ZNF283: variants seen among roughly 807,000 people sequenced by gnomAD.
The protein encoded by ZNF283 is zinc finger protein 41.
In ZNF283, 10 loss-of-function variants were observed where a neutral mutation model predicts 9.2. That is an observed-to-expected ratio of 1.09 (90% confidence interval 0.67 to 1.85). The LOEUF (loss-of-function observed/expected upper bound fraction) is 1.85. ZNF283 is among the 40% of genes most tolerant of loss of function. ZNF283 has a pLI of 0.00. For synonymous variants in ZNF283, 234 were observed against 244.1 expected (o/e 0.96, Z 0.38); for missense variants, 631 against 760.1 (o/e 0.83, Z 2.00).
intron 5 of ZNF283, among the ~76,000 whole-genome samples, 156 bp from the exon 6 acceptor site, chr19:43,836,897 G>T (rs1239861510): frequency 6.6e-6 from 1 of 152,200 alleles, no homozygotes; most frequent in African/African-American, 2.4e-5. Flanking sequence ...TTTAGTCACA[G>T]ATTTTCTTGC....
At chr19:43,839,388 G>T in intron 6 of ZNF283, among the ~76,000 whole-genome samples, 1 of 151,182 alleles carries the variant, frequency 6.6e-6, no homozygotes, top group African/African-American at 2.4e-5. Flanking sequence ...TTTGTCTTTG[G>T]GTTTCCATAA....
intron 2 of ZNF283, among the ~76,000 whole-genome samples, chr19:43,829,885 T>TGGTGGCG (rs1307360904): frequency 1.3e-5 from 2 of 151,906 alleles, no homozygotes; most frequent in Non-Finnish European, 2.9e-5. Context: ...TAGCCGGGCA[T>TGGTGGCG]GGTGGCGGGT....
intron 2 of ZNF283, 48 bp downstream of exon 2, chr19:43,828,329 C>T (rs1293454738): frequency 6.6e-6 from 1 of 152,126 alleles, no homozygotes; most frequent in Non-Finnish European, 1.5e-5. Context: ...ATACAATTAC[C>T]TTTGCTTCTA....
intron 6 of ZNF283, 132 bp from the exon 7 acceptor site, chr19:43,846,807 A>T (rs1182854050): frequency 1.5e-6 from 1 of 671,678 alleles, no homozygotes; most frequent in East Asian, 2.9e-5. Flanking sequence ...TTGTTATTTA[A>T]CAAGGGAGTG....
At position 43,833,484 on chromosome 19, in the gene ZNF283, C is replaced by CTTTTTTTT. The variant is rs55882936; in HGVS notation, c.1-11_1-4dup. 108 of 138,032 alleles carry CTTTTTTTT rather than the reference C, an allele frequency of 7.8e-4. 3 individuals carry two copies. The highest frequency in any genetic ancestry group is 3.4e-3 in the Middle Eastern group (1 of 298). 8.6% of individuals were successfully genotyped at this position (138,032 alleles called of 1,614,324 possible). On this transcript the variant is annotated intron_variant, in intron 3 of 6. Transcript: ENST00000618787. ...GTGTTTCTTTCTTCTTTACCTATTTCTTTTTTTTTTTTTTTTTCAGATGGA... is the reference window on the plus strand; with the variant it reads ...GTGTTTCTTTCTTCTTTACCTATTTCTTTTTTTTTTTTTTTTTTTTTTTTTCAGATGGA...
chr19:43,847,876 T>C lies in ZNF283; in HGVS notation c.1275T>C (p.His425=). The change falls in exon 7 of 7, where the codon CAT becomes CAC. Residue 425 remains histidine (H), a synonymous_variant. Transcript: ENST00000618787. ...GTCTTATTCAACATGAAAGAATTCA[T>C]ACTGGTGAGAAACCTTATGAATGTA... The part of the protein sequence containing the change: ...GSSLIQHERI[H]TGEKPYECKE... 1.2e-6 allele frequency: 2 copies of C among 1,612,806 alleles called. No individual in the cohort carries two copies. The highest frequency in any genetic ancestry group is 1.7e-6 in the Non-Finnish European group (2 of 1,179,640).
intron 4 of ZNF283, among the ~76,000 whole-genome samples, chr19:43,834,921 C>G (rs969960525): frequency 6.6e-6 from 1 of 152,078 alleles, no homozygotes; most frequent in African/African-American, 2.4e-5. Context: ...GTATAACTTT[C>G]TAAACATTTT....
chr19:43,845,041 A>G (rs1971352415), intron 6 of ZNF283, among the ~76,000 whole-genome samples: 1 of 152,132 alleles, frequency 6.6e-6, no homozygotes, highest in Non-Finnish European at 1.5e-5. Flanking sequence ...AATTTATAGA[A>G]AGTCATAACC....
chr19:43,847,290 C>G lies in ZNF283; in HGVS notation c.689C>G (p.Thr230Arg), dbSNP rs1320965813. The change falls in exon 7 of 7, where the codon ACA becomes AGA. Residue 230 changes from threonine to arginine, a missense_variant. Around this residue, in one of 3 missense-constraint regions of ZNF283, gnomAD observed 184 missense variants for 220.0 expected, o/e 0.84. Transcript: ENST00000618787. ...CTTGTTCAACATGAGAGAACTCATA[C>G]AGCTGAAAAACACTTTGAATGTAAA... is the stretch of plus-strand genomic sequence containing the variant. The part of the protein sequence containing the change: ...SKLVQHERTH[T>R]AEKHFECKEC... The G allele has an allele frequency of 6.2e-7, 1 of 1,613,696 alleles. No individual in the cohort carries two copies. Among genetic ancestry groups the G allele is most frequent in the East Asian group, 2.2e-5 (1 of 44,864 alleles).
intron 5 of ZNF283, among the ~76,000 whole-genome samples, chr19:43,836,500 C>A (rs1272094291): frequency 6.6e-6 from 1 of 152,136 alleles, no homozygotes; most frequent in Non-Finnish European, 1.5e-5. Flanking sequence ...TGCCACCACA[C>A]CTGGCTAATT....
In ZNF283 at chr19:43,835,426, G is replaced by C. The variant is rs379186; in HGVS notation, c.123-79G>C. ...GTGTAGCAGAAGCAGGCATGGAGAAGATAAGATCTTCTATTAGTGTAAGTC... is the reference window on the plus strand; with the variant it reads ...GTGTAGCAGAAGCAGGCATGGAGAACATAAGATCTTCTATTAGTGTAAGTC... On this transcript the variant is annotated intron_variant, in intron 4 of 6. Transcript: ENST00000618787. The C allele has an allele frequency of 1.1e-4, 101 of 918,166 alleles. No homozygotes were observed. The Middle Eastern group carries it at 3.2e-3, about 29-fold the overall frequency. The allele number at this position is 918,166 out of a possible 1,614,324, so 56.9% of individuals were successfully genotyped here.
At position 43,849,160 on chromosome 19, in the gene ZNF283, G is replaced by T. The variant is rs1971540079; in HGVS notation, c.*519G>T. The T allele has an allele frequency of 6.6e-6, 1 of 152,334 alleles. No homozygotes were observed. 9.4% of individuals were successfully genotyped at this position (152,334 alleles called of 1,614,324 possible). On this transcript the variant is annotated 3_prime_UTR_variant, in exon 7 of 7. Transcript: ENST00000618787. ...ATCATTTGAATTAGAATTATAGGAA[G>T]GCCTTTAGACAAATGCTACCCAAAT...
At chr19:43,827,790 G>A in intron 1 of ZNF283, 1 of 152,352 alleles carries the variant, frequency 6.6e-6, no homozygotes, top group Admixed American at 6.5e-5. Context: ...CCTTTAGCCT[G>A]TCTTCGGGCC....
rs899626285 is a variant in ZNF283, at chr19:43,851,135, A to G, written c.*2494A>G. 6.6e-6 allele frequency: 1 copy of G among 152,208 alleles called. No homozygotes were observed. The highest frequency in any genetic ancestry group is 2.4e-5 in the African/African-American group (1 of 41,444). 9.4% of individuals were successfully genotyped at this position (152,208 alleles called of 1,614,324 possible). A position where few individuals can be genotyped will look rare whatever the true frequency, so the allele number is the denominator to read the frequency against. ...CTCTTAATAATCAACTGTAACACAA[A>G]GCAGAGTACTTTGGGAGTTTTAACA... On this transcript the variant is annotated 3_prime_UTR_variant, in exon 7 of 7. Coordinates refer to ENST00000618787, the MANE Select transcript of ZNF283 (RefSeq NM_181845.2).
rs1041751571 is a variant in ZNF283 at position 43,847,857 on chromosome 19, T to C, written c.1256T>C (p.Ile419Thr). Residue 419 changes from isoleucine to threonine, a missense_variant, in exon 7 of 7, where the codon ATT (isoleucine) becomes ACT (threonine). Ile to Thr is a moderately conservative substitution (Grantham distance 89). Coordinates refer to ENST00000618787, the MANE Select transcript of ZNF283 (RefSeq NM_181845.2). ...GCTTTTAATTGCGGATCAAGTCTTA[T>C]TCAACATGAAAGAATTCATACTGGT... ...GKAFNCGSSL[I>T]QHERIHTGEK... 30 of 1,611,552 alleles carry C rather than the reference T, an allele frequency of 1.9e-5. No homozygotes were observed. The Middle Eastern group carries it at 5.0e-4, about 27-fold the overall frequency.
chr19:43,832,181 T>G (rs1970739185), intron 3 of ZNF283, among the ~76,000 whole-genome samples: 1 of 152,224 alleles, frequency 6.6e-6, no homozygotes, highest in African/African-American at 2.4e-5. Flanking sequence ...TCTGGGATTA[T>G]AGAAATGTCA....
At chr19:43,833,356 G>C (rs552995982) in intron 3 of ZNF283, 149 bp from the exon 4 acceptor site, 21 of 162,468 alleles carry the variant, frequency 1.3e-4, no homozygotes, top group African/African-American at 4.8e-4. Flanking sequence ...TGAGGATATG[G>C]TGGGCCATAA....
chr19:43,846,788 AG>A lies in ZNF283; in HGVS notation c.338-149del, dbSNP rs1971414190. The stretch of plus-strand genomic sequence containing the variant: ...TCAGATCACAAGAGCTGCAAAATCA[AG>A]GCTGAGTTTGTTATTTAACAAGGGA... On this transcript the variant is annotated intron_variant, in intron 6 of 6. Transcript: ENST00000618787. 13 of 590,026 alleles carry A rather than the reference AG, an allele frequency of 2.2e-5. No homozygotes were observed. In the South Asian group the frequency reaches 3.5e-4, roughly 16 times the overall value. 36.5% of individuals were successfully genotyped at this position (590,026 alleles called of 1,614,324 possible). A position where few individuals can be genotyped will look rare whatever the true frequency, so the allele number is the denominator to read the frequency against.
At chr19:43,842,494 G>T (rs1173148497) in intron 6 of ZNF283, among the ~76,000 whole-genome samples, 1 of 152,120 alleles carries the variant, frequency 6.6e-6, no homozygotes, top group African/African-American at 2.4e-5. Context: ...CAGGCAAGCA[G>T]TTAAATTAAT....
Sources: gnomAD v4.1 joint callset for allele counts (sites outside exome capture counted in the v4.1 genomes callset) on GRCh38, gnomAD v4.1.1 for gene constraint, gnomAD v4.1.1 regional missense constraint, MANE v1.5 for transcripts, NCBI Gene and HGNC (gene_info 2026-07-23, HGNC 2026-07-21) for gene names.